Variants in GRAP2 observed in about 807,000 individuals in gnomAD.
The protein encoded by GRAP2 is GRB2 related adaptor protein 2, also known as GRB2-related adapter protein 2.
A neutral mutation model predicts 43.5 loss-of-function variants in GRAP2; 31 were observed. The ratio of observed to expected loss-of-function variants is 0.71; its 90% confidence interval spans 0.54 to 0.96. GRAP2 has a LOEUF of 0.96. GRAP2 is among the 40% of genes least tolerant of loss of function. The pLI, the probability that GRAP2 is intolerant of heterozygous loss-of-function variation, is 0.00. For synonymous variants in GRAP2, 156 were observed against 164.8 expected, an observed-to-expected ratio of 0.95 and a Z score of 0.41; for missense variants, 371 against 424.4, an observed-to-expected ratio of 0.87 and a Z score of 1.11.
chr22:39,932,548 CAAAAAAAAAA>C (rs137982), intron 1 of GRAP2, among the ~76,000 whole-genome samples: 2 of 43,416 alleles, frequency 4.6e-5, no homozygotes, highest in Admixed American at 2.8e-4. Flanking sequence ...CCTGTCTCTA[CAAAAAAAAAA>C]AAAAAAAAAA....
intron 1 of GRAP2, among the ~76,000 whole-genome samples, chr22:39,939,561 CAAAAAAAAAAA>C (rs386395434): frequency 4.7e-5 from 3 of 64,168 alleles, no homozygotes; most frequent in African/African-American, 1.3e-4. Flanking sequence ...GACTCCGTCT[CAAAAAAAAAAA>C]AAAAAAAAAA....
rs115863217 is a variant in GRAP2 at position 39,901,805 on chromosome 22, C to T, written c.-15+475C>T. 3.0e-3 allele frequency among the ~76,000 whole-genome samples: 451 copies of T among 152,246 alleles called. 3 individuals carry two copies. Among genetic ancestry groups the T allele is most frequent in the Middle Eastern group, 0.017 (5 of 294 alleles). On this transcript the variant is annotated intron_variant, in intron 1 of 7. Coordinates refer to ENST00000344138, the MANE Select transcript of GRAP2 (RefSeq NM_004810.4). ...TTTTTGTTACCTGTACAAAGGACAC[C>T]AGTTTTCATTCCTTTACGAAAAGAA... is the stretch of plus-strand genomic sequence containing the variant.
At chr22:39,967,974 GAGGGT>G in intron 5 of GRAP2, 63 bp from the exon 6 acceptor site, 1 of 1,549,390 alleles carries the variant, frequency 6.5e-7, no homozygotes, top group Non-Finnish European at 8.7e-7. Flanking sequence ...ACAACTGCCC[GAGGGT>G]AGGGTAGGGC....
intron 1 of GRAP2, among the ~76,000 whole-genome samples, chr22:39,943,883 C>G (rs2145630788): frequency 1.3e-5 from 2 of 152,146 alleles, no homozygotes; most frequent in East Asian, 3.9e-4. Context: ...CCATGCCCAG[C>G]TAATTTCTGT....
upstream of GRAP2, among the ~76,000 whole-genome samples, chr22:39,897,275 T>C (rs2066469515): frequency 6.6e-6 from 1 of 152,132 alleles, no homozygotes; most frequent in African/African-American, 2.4e-5. Flanking sequence ...TTAACTCCTG[T>C]GTTTGTCTCT....
chr22:39,933,247 C>T (rs961177825), intron 1 of GRAP2, among the ~76,000 whole-genome samples: 1 of 152,212 alleles, frequency 6.6e-6, no homozygotes, highest in Admixed American at 6.5e-5. Flanking sequence ...GCAACCTCAG[C>T]CTGAGGCCTT....
chr22:39,932,660 G>A (rs923560976), intron 1 of GRAP2, among the ~76,000 whole-genome samples: 5 of 150,320 alleles, frequency 3.3e-5, no homozygotes, highest in Non-Finnish European at 7.4e-5. Context: ...GGAGGCTGCA[G>A]TGAGCCCTGA....
intron 1 of GRAP2, among the ~76,000 whole-genome samples, chr22:39,901,748 T>C (rs1370576613): frequency 6.6e-6 from 1 of 152,220 alleles, no homozygotes; most frequent in Non-Finnish European, 1.5e-5. Context: ...TCAGGATTTC[T>C]CTCTTTGCTT....
intron 2 of GRAP2, 128 bp downstream of exon 2, chr22:39,947,312 C>G: frequency 1.4e-6 from 1 of 709,740 alleles, no homozygotes; most frequent in Non-Finnish European, 2.6e-6. Context: ...CCTTGATTCC[C>G]TTTGTGCACC....
intron 1 of GRAP2, among the ~76,000 whole-genome samples, chr22:39,923,083 T>C (rs987376324): frequency 6.6e-6 from 1 of 151,786 alleles, no homozygotes; most frequent in Non-Finnish European, 1.5e-5. Flanking sequence ...ATATAGTGTT[T>C]AGAGACCCAT....
At position 39,968,210 on chromosome 22, in the gene GRAP2, G is replaced by A; in HGVS notation, c.628G>A (p.Ala210Thr). The change falls in exon 6 of 8, where the codon GCG becomes ACG. Residue 210 changes from alanine to threonine, a missense_variant. Transcript: ENST00000344138. ...HQPQPPQYAP[A>T]PQQLQQPPQQ... ...GCCACAGCCTCCGCAATATGCCCCA[G>A]CGCCCCAGCAGCTGCAGCAGCCCCC... The A allele has an allele frequency of 1.2e-6, 2 of 1,607,558 alleles. No individual in the cohort carries two copies. Among genetic ancestry groups the A allele is most frequent in the Non-Finnish European group, 8.5e-7 (1 of 1,174,518 alleles).
chr22:39,960,465 A>C, intron 4 of GRAP2: 3 of 370,232 alleles, frequency 8.1e-6, no homozygotes, highest in Non-Finnish European at 1.5e-5. Context: ...CTTCATCTTT[A>C]TGCCTTTAAC....
intron 2 of GRAP2, 110 bp from the exon 3 acceptor site, chr22:39,955,709 A>T (rs894726391): frequency 1.3e-5 from 8 of 628,670 alleles, no homozygotes; most frequent in African/African-American, 1.9e-5. Flanking sequence ...CAACTTATTA[A>T]CATATTTTCC....
intron 1 of GRAP2, among the ~76,000 whole-genome samples, chr22:39,927,463 G>A (rs867525639): frequency 2.0e-5 from 3 of 152,186 alleles, no homozygotes; most frequent in Admixed American, 1.3e-4. Flanking sequence ...ACATCTGGTG[G>A]CATTCCTGTT....
intron 1 of GRAP2, among the ~76,000 whole-genome samples, chr22:39,933,112 C>T (rs1268661795): frequency 6.6e-6 from 1 of 150,600 alleles, no homozygotes; most frequent in African/African-American, 2.5e-5. Context: ...TTTAAAGGAG[C>T]AGTTGAAATT....
chr22:39,907,829 C>T (rs984690854), intron 1 of GRAP2, among the ~76,000 whole-genome samples: 1 of 152,160 alleles, frequency 6.6e-6, no homozygotes, highest in Non-Finnish European at 1.5e-5. Context: ...CAGATTTTAC[C>T]TCTCATTCTG....
intron 1 of GRAP2, among the ~76,000 whole-genome samples, chr22:39,924,529 T>C (rs897620474): frequency 1.3e-5 from 2 of 152,112 alleles, no homozygotes; most frequent in African/African-American, 4.8e-5. Flanking sequence ...AGTGAAACCC[T>C]ATCTCTACTA....
chr22:39,961,370 T>C (rs190213240), intron 4 of GRAP2, among the ~76,000 whole-genome samples: 2 of 152,244 alleles, frequency 1.3e-5, no homozygotes, highest in East Asian at 3.9e-4. Context: ...AACCTTCCCA[T>C]CTCCTTTGGT....
chr22:39,930,297 C>T (rs1047686006), intron 1 of GRAP2, among the ~76,000 whole-genome samples: 1 of 152,122 alleles, frequency 6.6e-6, no homozygotes, highest in Admixed American at 6.5e-5. Context: ...TGAGTTAAGA[C>T]AAGGGAGAAT....
Sources: allele counts gnomAD v4.1 joint callset (sites outside exome capture counted in the v4.1 genomes callset), GRCh38; gene constraint gnomAD v4.1.1; transcripts MANE v1.5; gene names NCBI Gene and HGNC (gene_info 2026-07-23, HGNC 2026-07-21).